FAM114A1: variants seen among roughly 807,000 people sequenced by gnomAD.
FAM114A1 encodes the protein protein NOXP20.
In FAM114A1, 62 loss-of-function variants were observed where a neutral mutation model predicts 64.3. The observed-to-expected ratio is 0.96, with a 90% CI of 0.79 to 1.19. The LOEUF is 1.19. FAM114A1 is among the 50% of genes most tolerant of loss of function. The pLI is 0.00. For missense variants in FAM114A1, 645 were observed against 676.3 expected, an observed-to-expected ratio of 0.95 and a Z score of 0.51; for synonymous variants, 254 against 251.1, an observed-to-expected ratio of 1.01 and a Z score of -0.11.
chr4:38,890,380 T>C (rs2002150), intron 3 of FAM114A1, among the ~76,000 whole-genome samples: 43,678 of 147,044 alleles, frequency 0.3, 6,970 homozygotes, highest in Middle Eastern at 0.54. Context: ...TCCAGCCTGG[T>C]GACAGAGCAA....
At chr4:38,883,688 G>GC (rs1715521497) in intron 3 of FAM114A1, among the ~76,000 whole-genome samples, 1 of 152,244 alleles carries the variant, frequency 6.6e-6, no homozygotes, top group Admixed American at 6.5e-5. Context: ...CAAGGAGTAG[G>GC]GGACACAGGC....
chr4:38,911,050 T>G (rs1454793996), intron 7 of FAM114A1, among the ~76,000 whole-genome samples: 1 of 152,132 alleles, frequency 6.6e-6, no homozygotes, highest in Non-Finnish European at 1.5e-5. Context: ...GGAGACTGGT[T>G]AGAGTGACTA....
At position 38,912,165 on chromosome 4, in the gene FAM114A1, G is replaced by A. The variant is rs189646452; in HGVS notation, c.793-2756G>A. On this transcript the variant is annotated intron_variant, in intron 7 of 14. Coordinates refer to ENST00000358869, the MANE Select transcript of FAM114A1 (RefSeq NM_138389.4). The stretch of plus-strand genomic sequence containing the variant: ...CATGAGCCACCGCACCCAGCCAAGC[G>A]CAGGGAATACTCTTTAAATAACACG... Among the ~76,000 whole-genome samples the A allele has an allele frequency of 2.7e-3, 409 of 151,754 alleles. 4 individuals carry two copies. Among genetic ancestry groups the A allele is most frequent in the South Asian group, 0.02 (97 of 4,806 alleles).
intron 4 of FAM114A1, among the ~76,000 whole-genome samples, chr4:38,896,873 T>C (rs772608467): frequency 6.6e-6 from 1 of 152,202 alleles, no homozygotes; most frequent in African/African-American, 2.4e-5. Context: ...ACATGTTCAA[T>C]TGCAATTGAT....
At chr4:38,876,613 C>T (rs1006561202) in intron 2 of FAM114A1, among the ~76,000 whole-genome samples, 4 of 152,202 alleles carry the variant, frequency 2.6e-5, no homozygotes, top group Non-Finnish European at 5.9e-5. Flanking sequence ...TTAAAGATAG[C>T]CCTGTAGGTT....
At chr4:38,923,977 C>T (rs1719875165) in intron 9 of FAM114A1, among the ~76,000 whole-genome samples, 1 of 152,180 alleles carries the variant, frequency 6.6e-6, no homozygotes, top group South Asian at 2.1e-4. Context: ...TAACCACCGA[C>T]CCACAGTTGT....
chr4:38,919,698 GA>G (rs1719407484), intron 8 of FAM114A1, among the ~76,000 whole-genome samples: 1 of 152,314 alleles, frequency 6.6e-6, no homozygotes, highest in Admixed American at 6.5e-5. Context: ...AGAGAGTGTA[GA>G]GAGGACACTC....
chr4:38,931,551 A>T lies in FAM114A1; in HGVS notation c.1262A>T (p.Glu421Val), dbSNP rs1305742965. 6.2e-7 allele frequency: 1 copy of T among 1,613,992 alleles called. No homozygotes were observed. Among genetic ancestry groups the T allele is most frequent in the Non-Finnish European group, 8.5e-7 (1 of 1,180,018 alleles). ...SEEETKKEEK[E>V]EKSQDPQEDK... ...GAAGAAACAAAGAAGGAAGAAAAGG[A>T]AGAGAAATCTCAAGACCCTCAAGAA... The change falls in exon 11 of 15, where the codon GAA (glutamate) becomes GTA (valine). Residue 421 changes from glutamate to valine, a missense_variant. Physicochemically the swap from Glu to Val is moderately radical, Grantham distance 121. Transcript: ENST00000358869.
chr4:38,929,341 C>T lies in FAM114A1; in HGVS notation c.1161+8C>T. ...CCTGACAAACTCAATAAGGTCAGCA[C>T]TGTCTGATTTATAGTTTCTGGTTAA... On this transcript the variant is annotated splice_region_variant and intron_variant, in intron 10 of 14. Transcript: ENST00000358869. 1 of 1,601,172 alleles carries T rather than the reference C, an allele frequency of 6.2e-7. No individual in the cohort carries two copies. The highest frequency in any genetic ancestry group is 8.6e-7 in the Non-Finnish European group (1 of 1,169,172).
intron 7 of FAM114A1, among the ~76,000 whole-genome samples, chr4:38,913,672 G>A (rs1245645785): frequency 1.3e-5 from 2 of 152,082 alleles, no homozygotes; most frequent in Non-Finnish European, 2.9e-5. Flanking sequence ...TTACAGGTGT[G>A]AGCCACCGTG....
At chr4:38,877,293 C>T (rs1714736439) in intron 2 of FAM114A1, among the ~76,000 whole-genome samples, 1 of 152,114 alleles carries the variant, frequency 6.6e-6, no homozygotes, top group Admixed American at 6.5e-5. Context: ...AATTATACAA[C>T]TCACCACAAG....
chr4:38,942,393 G>A (rs1176112068), intron 14 of FAM114A1, among the ~76,000 whole-genome samples: 1 of 152,134 alleles, frequency 6.6e-6, no homozygotes, highest in Non-Finnish European at 1.5e-5. Flanking sequence ...GGAGCTGTAG[G>A]GGCAGGTCTT....
intron 4 of FAM114A1, among the ~76,000 whole-genome samples, chr4:38,904,978 G>C (rs148432477): frequency 6.2e-4 from 94 of 152,260 alleles, no homozygotes; most frequent in African/African-American, 2.3e-3. Context: ...AACTCAATGA[G>C]GAAACTGAGT....
chr4:38,936,696 G>T (rs1369835892), intron 13 of FAM114A1, among the ~76,000 whole-genome samples: 1 of 152,068 alleles, frequency 6.6e-6, no homozygotes, highest in African/African-American at 2.4e-5. Context: ...GGGATTACAG[G>T]CACACGCCAC....
intron 3 of FAM114A1, among the ~76,000 whole-genome samples, chr4:38,884,475 C>T (rs934735536): frequency 1.3e-5 from 2 of 152,186 alleles, no homozygotes; most frequent in Non-Finnish European, 2.9e-5. Flanking sequence ...AGCCCTCAGC[C>T]CTGGAAGGTT....
chr4:38,912,330 G>C (rs7662500), intron 7 of FAM114A1, among the ~76,000 whole-genome samples: 76,250 of 151,896 alleles, frequency 0.5, 21,977 homozygotes, highest in African/African-American at 0.79. Context: ...ACCAGCCTCC[G>C]TTGTCAAGCT....
At chr4:38,931,380 T>A (rs1360494692) in intron 10 of FAM114A1, 71 bp from the exon 11 acceptor site, 2 of 1,510,344 alleles carry the variant, frequency 1.3e-6, no homozygotes, top group African/African-American at 2.8e-5. Flanking sequence ...TTGATTCTAG[T>A]CTTGGGGTTG....
At chr4:38,878,574 T>G in intron 3 of FAM114A1, 148 bp downstream of exon 3, 1 of 581,176 alleles carries the variant, frequency 1.7e-6, no homozygotes, top group Non-Finnish European at 2.9e-6. Context: ...GTAGTGAGAT[T>G]AGACATATAT....
chr4:38,884,888 T>C (rs1472802668), intron 3 of FAM114A1, among the ~76,000 whole-genome samples: 2 of 152,224 alleles, frequency 1.3e-5, no homozygotes, highest in African/African-American at 4.8e-5. Context: ...CAAAATCCTT[T>C]GTAACACCCT....
Sources: allele counts gnomAD v4.1 joint callset (sites outside exome capture counted in the v4.1 genomes callset), GRCh38; gene constraint gnomAD v4.1.1; transcripts MANE v1.5; gene names NCBI Gene and HGNC (gene_info 2026-07-23, HGNC 2026-07-21).